SLC2A13: variants seen among roughly 807,000 people sequenced by gnomAD.
The protein encoded by SLC2A13 is solute carrier family 2 member 13.
A neutral mutation model predicts 64.4 loss-of-function variants in SLC2A13; 32 were observed. That is an observed-to-expected ratio of 0.50 (90% CI 0.37 to 0.67). The LOEUF (loss-of-function observed/expected upper bound fraction) is 0.67. SLC2A13 is among the 30% of genes least tolerant of loss of function. The probability of loss-of-function intolerance (pLI) is 0.00; values close to 1 mark genes in which losing one functional copy is unlikely to be tolerated. For missense variants in SLC2A13, 743 were observed against 829.2 expected, an observed-to-expected ratio of 0.90 and a Z score of 1.28; for synonymous variants, 338 against 327.1, an observed-to-expected ratio of 1.03 and a Z score of -0.36.
intron 7 of SLC2A13, among the ~76,000 whole-genome samples, chr12:39,800,431 C>T (rs966334062): frequency 4.1e-5 from 6 of 147,302 alleles, no homozygotes; most frequent in East Asian, 2.0e-4. Flanking sequence ...AAAAAGTGGG[C>T]GAAGGACATG....
chr12:39,995,749 T>TG (rs777843295), intron 3 of SLC2A13, among the ~76,000 whole-genome samples: 7 of 152,148 alleles, frequency 4.6e-5, no homozygotes, highest in African/African-American at 1.4e-4. Context: ...CATTGAATCA[T>TG]GGGGGGCAGG....
intron 6 of SLC2A13, among the ~76,000 whole-genome samples, chr12:39,859,298 A>G (rs1943691538): frequency 2.0e-5 from 3 of 150,378 alleles, no homozygotes; most frequent in Non-Finnish European, 1.5e-5. Context: ...AAAAAAAGAA[A>G]AAGAAAGAAA....
In SLC2A13 at chr12:40,062,194, T is replaced by C. The variant is rs566840673; in HGVS notation, c.557-13984A>G. Among the ~76,000 whole-genome samples the C allele has an allele frequency of 9.6e-4, 146 of 152,156 alleles. 1 individual carries two copies. Among genetic ancestry groups the C allele is most frequent in the African/African-American group, 3.2e-3 (133 of 41,552 alleles). On this transcript the variant is annotated intron_variant, in intron 1 of 9. Coordinates refer to ENST00000280871, the MANE Select transcript of SLC2A13 (RefSeq NM_052885.4). The stretch of plus-strand genomic sequence containing the variant: ...TGTGTTAAAAAATACATACCAAAAA[T>C]AAGCTTATTAAGTTTTTAAGAGATC...
At chr12:39,879,772 G>A (rs73104983) in intron 4 of SLC2A13, among the ~76,000 whole-genome samples, 7,088 of 152,230 alleles carry the variant, frequency 0.047, 533 homozygotes, top group African/African-American at 0.16. Context: ...GCTGGAATGA[G>A]TTAAGACTTT....
intron 2 of SLC2A13, among the ~76,000 whole-genome samples, chr12:40,031,514 T>G (rs1947905868): frequency 6.6e-6 from 1 of 152,130 alleles, no homozygotes; most frequent in South Asian, 2.1e-4. Flanking sequence ...CGCCACTGCT[T>G]TCGGCCAAGT....
chr12:39,848,255 G>A (rs1943371884), intron 6 of SLC2A13, among the ~76,000 whole-genome samples: 1 of 152,056 alleles, frequency 6.6e-6, no homozygotes, highest in Non-Finnish European at 1.5e-5. Flanking sequence ...TACAGAATGT[G>A]AAAAAACATT....
chr12:39,906,494 C>A (rs916857323), intron 4 of SLC2A13, among the ~76,000 whole-genome samples: 1 of 151,970 alleles, frequency 6.6e-6, no homozygotes, highest in Non-Finnish European at 1.5e-5. Context: ...CACTTGTCCA[C>A]TGAAATATGA....
chr12:39,778,023 T>C (rs925097300), intron 7 of SLC2A13, among the ~76,000 whole-genome samples: 13 of 152,198 alleles, frequency 8.5e-5, no homozygotes, highest in African/African-American at 3.1e-4. Context: ...GGGCTTCAGC[T>C]GTAAACATTC....
chr12:39,806,605 C>T (rs1215013571), intron 7 of SLC2A13, among the ~76,000 whole-genome samples: 1 of 152,146 alleles, frequency 6.6e-6, no homozygotes, highest in African/African-American at 2.4e-5. Flanking sequence ...TTCCACTGTG[C>T]TTGGAATACA....
chr12:39,869,624 C>T (rs1475734039), intron 5 of SLC2A13, among the ~76,000 whole-genome samples: 1 of 152,152 alleles, frequency 6.6e-6, no homozygotes, highest in East Asian at 1.9e-4. Context: ...GAGAAGCAGA[C>T]CCTGAAATCC....
chr12:39,950,940 A>G (rs1946217803), intron 4 of SLC2A13: 1 of 347,542 alleles, frequency 2.9e-6, no homozygotes, highest in Non-Finnish European at 5.1e-6. Context: ...TTTGCTTTCC[A>G]ACCAGCATCA....
chr12:40,078,565 C>T (rs1359304915), intron 1 of SLC2A13, among the ~76,000 whole-genome samples: 2 of 152,126 alleles, frequency 1.3e-5, no homozygotes, highest in East Asian at 1.9e-4. Flanking sequence ...ATTTTTGTGT[C>T]TGTGTTCATC....
At chr12:39,966,127 A>G (rs557681887) in intron 3 of SLC2A13, among the ~76,000 whole-genome samples, 41 of 119,166 alleles carry the variant, frequency 3.4e-4, no homozygotes, top group Middle Eastern at 4.5e-3. Context: ...GTGTGTGTGT[A>G]TATATATATA....
chr12:39,950,210 C>CA (rs532297847), intron 4 of SLC2A13: 48 of 152,102 alleles, frequency 3.2e-4, no homozygotes, highest in African/African-American at 1.1e-3. Flanking sequence ...TCACTCTTCT[C>CA]AAACAGTCAC....
At chr12:39,917,962 A>T (rs187350411) in intron 4 of SLC2A13, among the ~76,000 whole-genome samples, 13 of 152,038 alleles carry the variant, frequency 8.6e-5, no homozygotes, top group South Asian at 6.2e-4. Flanking sequence ...CCAAAGATTT[A>T]AAAAAAAGGT....
chr12:39,972,160 T>C (rs1356601788), intron 3 of SLC2A13, among the ~76,000 whole-genome samples: 1 of 135,204 alleles, frequency 7.4e-6, no homozygotes, highest in East Asian at 2.2e-4. Flanking sequence ...TCTTTCAGAG[T>C]TACCAGTGAA....
At chr12:39,839,202 G>A (rs1943112176) in intron 6 of SLC2A13, among the ~76,000 whole-genome samples, 2 of 152,160 alleles carry the variant, frequency 1.3e-5, no homozygotes, top group East Asian at 1.9e-4. Context: ...ACTACCAGTC[G>A]GGACAGCGAC....
chr12:39,850,078 A>G (rs766392568), intron 6 of SLC2A13, among the ~76,000 whole-genome samples: 2 of 152,058 alleles, frequency 1.3e-5, no homozygotes, highest in Non-Finnish European at 2.9e-5. Context: ...CTCTTTCTGC[A>G]ATGTCATGTT....
chr12:39,842,275 T>G (rs1205727923), intron 6 of SLC2A13, among the ~76,000 whole-genome samples: 2 of 152,070 alleles, frequency 1.3e-5, no homozygotes, highest in East Asian at 3.9e-4. Flanking sequence ...TCTGGTCTTT[T>G]CCGGTATCCT....
Sources: allele counts gnomAD v4.1 joint callset (sites outside exome capture counted in the v4.1 genomes callset), GRCh38; gene constraint gnomAD v4.1.1; transcripts MANE v1.5; gene names NCBI Gene and HGNC (gene_info 2026-07-23, HGNC 2026-07-21).